EPHA8: variants seen among roughly 807,000 people sequenced by gnomAD.
EPHA8 encodes the protein ephrin type-A receptor 8.
A neutral mutation model predicts 103.6 loss-of-function variants in EPHA8; 58 were observed. That is an observed-to-expected ratio of 0.56 (90% CI 0.45 to 0.70). The LOEUF (loss-of-function observed/expected upper bound fraction) is 0.70, where lower values mean the gene tolerates loss of function less well. Ranked by LOEUF, EPHA8 falls within the 30% of genes least tolerant of loss-of-function variation. The pLI, the probability that EPHA8 is intolerant of heterozygous loss-of-function variation, is 0.00. For missense variants in EPHA8, 1,304 were observed against 1,395.2 expected (o/e 0.93, Z 1.04); for synonymous variants, 559 against 572.5 (o/e 0.98, Z 0.34).
At chr1:22,596,326 G>T (rs1557579327) in intron 9 of EPHA8, among the ~76,000 whole-genome samples, 153 bp downstream of exon 9, 1 of 152,190 alleles carries the variant, frequency 6.6e-6, no homozygotes, top group South Asian at 2.1e-4. Flanking sequence ...GAGACCTGGT[G>T]CCCCAGAGGG....
intron 9 of EPHA8, 69 bp downstream of exon 9, chr1:22,596,242 G>T: frequency 1.3e-6 from 2 of 1,495,462 alleles, no homozygotes; most frequent in Non-Finnish European, 1.9e-6. Flanking sequence ...TGGACTGGGG[G>T]TGGCACAGAT....
In EPHA8 at chr1:22,597,248, A is replaced by C; in HGVS notation, c.1766-64A>C. 8 of 1,245,262 alleles carry C rather than the reference A, an allele frequency of 6.4e-6. No homozygotes were observed. The highest frequency in any genetic ancestry group is 2.4e-5 in the East Asian group (1 of 42,034). The allele number at this position is 1,245,262 out of a possible 1,614,324, so 77.1% of individuals were successfully genotyped here. A position where few individuals can be genotyped will look rare whatever the true frequency, so the allele number is the denominator to read the frequency against. On this transcript the variant is annotated intron_variant, in intron 9 of 16. Transcript: ENST00000166244. This position sits in a 1 kb window ranked among gnomAD's most constrained non-coding sequence, Gnocchi z 4.6. ...CCCACCCCAGACCCATCCCAGGCCC[A>C]GGGAATGTCAGGAAAAAGCAATCTC...
Position 22,600,619 on chromosome 1 carries a change from C to T in EPHA8, c.2389-42C>T, listed in dbSNP as rs1285799010. The stretch of plus-strand genomic sequence containing the variant: ...CTCAGACGGCTCGGGGGACACCCTG[C>T]CAGGCCTGGGCAGCCCCTCAACTCT... On this transcript the variant is annotated intron_variant, in intron 13 of 16. Transcript: ENST00000166244. 8 of 1,605,630 alleles carry T rather than the reference C, an allele frequency of 5.0e-6. No homozygotes were observed. In the East Asian group the frequency reaches 1.6e-4, roughly 31 times the overall value.
intron 13 of EPHA8, among the ~76,000 whole-genome samples, chr1:22,599,733 AAGG>A (rs1471845109): frequency 0.01 from 11 of 1,100 alleles, no homozygotes; most frequent in East Asian, 0.038. Context: ...GGAGGGAAGG[AAGG>A]AGGGAGGGAG....
rs1451785552 is a variant in EPHA8, at chr1:22,602,862, C to A, written c.*1121C>A. On this transcript the variant is annotated 3_prime_UTR_variant, in exon 17 of 17. Coordinates refer to ENST00000166244, the MANE Select transcript of EPHA8 (RefSeq NM_020526.5). ...TCAGAGTCGGGGCTCCGGCCTCCTG[C>A]CAAGGCTCTTGTCCCCATACACCAT... 6.6e-6 allele frequency: 1 copy of A among 152,484 alleles called. No homozygotes were observed. The highest frequency in any genetic ancestry group is 2.4e-5 in the African/African-American group (1 of 41,468). The allele number at this position is 152,484 out of a possible 1,614,324, so 9.4% of individuals were successfully genotyped here.
intron 2 of EPHA8, among the ~76,000 whole-genome samples, chr1:22,570,374 G>A (rs1315798014): frequency 3.3e-5 from 3 of 91,342 alleles, no homozygotes; most frequent in African/African-American, 1.6e-4. Context: ...ACGTGTGCGC[G>A]TACACACACG....
rs368167619 is a variant in EPHA8, at chr1:22,576,817, C to A, written c.760C>A (p.Leu254Ile). ...KMYCSAEGEW[L>I]VPIGKCVCSA... Reference sequence around the variant, plus strand: ...GTACTGCAGCGCGGAGGGCGAGTGGCTCGTGCCCATCGGCAAATGCGTGTG... The same window carrying A: ...GTACTGCAGCGCGGAGGGCGAGTGGATCGTGCCCATCGGCAAATGCGTGTG... The change falls in exon 3 of 17, where the codon CTC becomes ATC. Residue 254 changes from leucine to isoleucine, a missense_variant. Coordinates refer to ENST00000166244, the MANE Select transcript of EPHA8 (RefSeq NM_020526.5). The surrounding 1 kb of genome is among the most constrained non-coding windows in gnomAD (Gnocchi z 4.8). The A allele has an allele frequency of 3.7e-6, 6 of 1,611,326 alleles. No homozygotes were observed. In the African/African-American group the frequency reaches 8.0e-5, roughly 22 times the overall value.
At chr1:22,586,251 G>C (rs915214791) in intron 3 of EPHA8, among the ~76,000 whole-genome samples, 1 of 152,152 alleles carries the variant, frequency 6.6e-6, no homozygotes, top group Non-Finnish European at 1.5e-5. Context: ...GTCAGGGTCT[G>C]AACCTCAGCT....
At chr1:22,578,251 TCTG>T (rs1182481525) in intron 3 of EPHA8, among the ~76,000 whole-genome samples, 5 of 145,752 alleles carry the variant, frequency 3.4e-5, no homozygotes, top group African/African-American at 1.3e-4. Flanking sequence ...CATGTGTGTG[TCTG>T]TATACCCGTG....
At chr1:22,591,872 C>A (rs1303305180) in intron 5 of EPHA8, among the ~76,000 whole-genome samples, 1 of 152,190 alleles carries the variant, frequency 6.6e-6, no homozygotes, top group Non-Finnish European at 1.5e-5. Flanking sequence ...CAGTGCCCTT[C>A]CGGGCCCTGC....
intron 4 of EPHA8, among the ~76,000 whole-genome samples, chr1:22,587,795 A>G (rs1641258899): frequency 6.6e-6 from 1 of 152,154 alleles, no homozygotes; most frequent in Non-Finnish European, 1.5e-5. Context: ...GCGAGGGCCC[A>G]GGTGCATTCA....
At chr1:22,574,574 T>G (rs1396679963) in intron 2 of EPHA8, among the ~76,000 whole-genome samples, 1 of 152,254 alleles carries the variant, frequency 6.6e-6, no homozygotes, top group Non-Finnish European at 1.5e-5. Context: ...TATTTGTTTT[T>G]TGTTTCTAGC....
At position 22,601,365 on chromosome 1, in the gene EPHA8, G is replaced by A. The variant is rs142066703; in HGVS notation, c.2795G>A (p.Gly932Asp). The stretch of plus-strand genomic sequence containing the variant: ...CGAGGGGGCAGCGGTGGCGGTGGGG[G>A]CCTCACCGTGGGGGACTGGCTGGAC... ...DLRGGSGGGG[G>D]LTVGDWLDSI... The change falls in exon 16 of 17, where the codon GGC becomes GAC. Residue 932 changes from glycine (G) to aspartate (D), a missense_variant. Gly to Asp is a moderately conservative substitution (Grantham distance 94). Coordinates refer to ENST00000166244, the MANE Select transcript of EPHA8 (RefSeq NM_020526.5). 56 of 1,609,444 alleles carry A rather than the reference G, an allele frequency of 3.5e-5. No individual in the cohort carries two copies. In the Middle Eastern group the frequency reaches 6.6e-4, roughly 19 times the overall value.
Position 22,598,862 on chromosome 1 carries a change from A to T in EPHA8, c.2203A>T (p.Met735Leu). ...LRTHDGQFTIMQLVGMLRGVG... is the reference protein window; with the variant it reads ...LRTHDGQFTILQLVGMLRGVG... Reference sequence around the variant, plus strand: ...GACCCACGACGGGCAGTTCACCATCATGCAGCTGGTGGGCATGCTGAGAGG... The same window carrying T: ...GACCCACGACGGGCAGTTCACCATCTTGCAGCTGGTGGGCATGCTGAGAGG... The change falls in exon 13 of 17, where the codon ATG becomes TTG. Residue 735 changes from methionine (M) to leucine (L), a missense_variant. Transcript: ENST00000166244. This position sits in a 1 kb window ranked among gnomAD's most constrained non-coding sequence, Gnocchi z 5.1. 6.2e-7 allele frequency: 1 copy of T among 1,612,846 alleles called. No individual in the cohort carries two copies.
rs1224698601 is a variant in EPHA8, at chr1:22,567,796, C to T, written c.95-1493C>T. Among the ~76,000 whole-genome samples, 1 of 152,184 alleles carries T rather than the reference C, an allele frequency of 6.6e-6. No homozygotes were observed. The highest frequency in any genetic ancestry group is 1.5e-5 in the Non-Finnish European group (1 of 68,048). On this transcript the variant is annotated intron_variant, in intron 1 of 16. Coordinates refer to ENST00000166244, the MANE Select transcript of EPHA8 (RefSeq NM_020526.5). The surrounding 1 kb of genome is among the most constrained non-coding windows in gnomAD (Gnocchi z 4.2). ...TTCCAGGAGAGCTCCACCTTTAACC[C>T]CCGTCACCTGCCCAAGCCCGCTGAT... is the stretch of plus-strand genomic sequence containing the variant.
At position 22,593,607 on chromosome 1, in the gene EPHA8, C is replaced by T. The variant is rs55964751; in HGVS notation, c.1524C>T (p.Tyr508=). 0.011 allele frequency: 17,221 copies of T among 1,611,134 alleles called. 125 individuals are homozygous for T. Among genetic ancestry groups the T allele is most frequent in the Non-Finnish European group, 0.012 (14,703 of 1,179,160 alleles). ...TVSGLKPGTR[Y]VFQVRARTSA... ...CCGGCCTCAAGCCGGGCACCCGCTA[C>T]GTGTTCCAGGTCCGAGCCCGCACCT... is the stretch of plus-strand genomic sequence containing the variant. The change falls in exon 7 of 17, where the codon TAC becomes TAT. Residue 508 remains tyrosine, a synonymous_variant. Transcript: ENST00000166244.
chr1:22,574,127 C>T (rs11579141), intron 2 of EPHA8, among the ~76,000 whole-genome samples: 27 of 152,142 alleles, frequency 1.8e-4, no homozygotes, highest in Non-Finnish European at 2.8e-4. Context: ...TACAGGCGCC[C>T]GCCACCACGC....
Position 22,597,816 on chromosome 1 carries a change from T to G in EPHA8, c.2071T>G (p.Phe691Val). Reference sequence around the variant, plus strand: ...GAGCGAGGCGTCCATCATGGGGCAATTCGACCATCCCAACATCATCCGCCT... The same window carrying G: ...GAGCGAGGCGTCCATCATGGGGCAAGTCGACCATCCCAACATCATCCGCCT... ...FLSEASIMGQ[F>V]DHPNIIRLEG... Residue 691 changes from phenylalanine to valine, a missense_variant, in exon 11 of 17, where the codon TTC becomes GTC. Coordinates refer to ENST00000166244, the MANE Select transcript of EPHA8 (RefSeq NM_020526.5). This position sits in a 1 kb window ranked among gnomAD's most constrained non-coding sequence, Gnocchi z 4.6. 2 of 1,612,994 alleles carry G rather than the reference T, an allele frequency of 1.2e-6. No individual in the cohort carries two copies. The highest frequency in any genetic ancestry group is 2.2e-5 in the South Asian group (2 of 91,074).
chr1:22,601,465 G>A lies in EPHA8; in HGVS notation c.2895G>A (p.Met965Ile). ...CCTCTCTGGGCATGGTGCTACGCAT[G>A]AACGCCCAGTGAGTGATGGGTGGGG... is the stretch of plus-strand genomic sequence containing the variant. ...GYSSLGMVLRMNAQDVRALGI... is the reference protein window; with the variant it reads ...GYSSLGMVLRINAQDVRALGI... Residue 965 changes from methionine (M) to isoleucine (I), a missense_variant, in exon 16 of 17, where the codon ATG becomes ATA. Transcript: ENST00000166244. 6.2e-7 allele frequency: 1 copy of A among 1,609,722 alleles called. No homozygotes were observed. The highest frequency in any genetic ancestry group is 8.5e-7 in the Non-Finnish European group (1 of 1,179,700).
Sources: allele counts gnomAD v4.1 joint callset (sites outside exome capture counted in the v4.1 genomes callset), GRCh38; gene constraint gnomAD v4.1.1; non-coding constraint Gnocchi (gnomAD v3.1); transcripts MANE v1.5; gene names NCBI Gene and HGNC (gene_info 2026-07-23, HGNC 2026-07-21).